CLSTN1: variants seen among roughly 807,000 people sequenced by gnomAD.
CLSTN1 encodes the protein calsyntenin 1, also known as calsyntenin-1.
A neutral mutation model predicts 108.3 loss-of-function variants in CLSTN1; 28 were observed. The ratio of observed to expected loss-of-function variants is 0.26; its 90% confidence interval spans 0.19 to 0.35. The LOEUF (loss-of-function observed/expected upper bound fraction) is 0.35. Ranked by LOEUF, CLSTN1 falls within the 10% of genes least tolerant of loss-of-function variation. CLSTN1 has a pLI of 1.00. For missense variants in CLSTN1, 1,157 were observed against 1,302.6 expected (o/e 0.89, Z 1.72); for synonymous variants, 524 against 534.9 (o/e 0.98, Z 0.28).
chr1:9,759,715 G>A (rs1040911773), intron 2 of CLSTN1, among the ~76,000 whole-genome samples: 9 of 152,198 alleles, frequency 5.9e-5, no homozygotes, highest in Non-Finnish European at 1.0e-4. Context: ...GATCCGAGGG[G>A]CCCCAAAGCT....
chr1:9,822,449 G>A (rs896049302), intron 1 of CLSTN1, among the ~76,000 whole-genome samples: 8 of 152,100 alleles, frequency 5.3e-5, no homozygotes, highest in Non-Finnish European at 1.2e-4. Flanking sequence ...CGCCAGGGAA[G>A]GGAAAATAAG....
intron 2 of CLSTN1, among the ~76,000 whole-genome samples, chr1:9,757,358 C>G (rs1024463228): frequency 1.3e-5 from 2 of 151,226 alleles, no homozygotes; most frequent in African/African-American, 4.9e-5. Flanking sequence ...TCTCCTACCT[C>G]AGCCTCCCGA....
chr1:9,745,776 T>TG (rs1651239152), intron 7 of CLSTN1, among the ~76,000 whole-genome samples: 1 of 145,862 alleles, frequency 6.9e-6, no homozygotes, highest in Admixed American at 6.8e-5. Context: ...TTTTTTTTTT[T>TG]TTTTTTTTTT....
intron 2 of CLSTN1, among the ~76,000 whole-genome samples, chr1:9,764,074 G>A (rs545901434): frequency 4.6e-5 from 7 of 151,816 alleles, no homozygotes; most frequent in African/African-American, 9.7e-5. Flanking sequence ...AAGGGGAATC[G>A]TGTGTAGAAA....
Position 9,757,104 on chromosome 1 carries a change from G to A in CLSTN1, c.215-594C>T, listed in dbSNP as rs189045746. The stretch of plus-strand genomic sequence containing the variant: ...GATTTTTCTTTTAATGAACACTCTA[G>A]TGACAAACCATGAATAAGTACATCT... On this transcript the variant is annotated intron_variant, in intron 2 of 18. Transcript: ENST00000377298. 1.1e-4 allele frequency among the ~76,000 whole-genome samples: 16 copies of A among 151,888 alleles called. No homozygotes were observed. The East Asian group carries it at 3.1e-3, about 29-fold the overall frequency.
At chr1:9,776,894 C>CTATCTATCTATCTATT (rs1652980855) in intron 1 of CLSTN1, among the ~76,000 whole-genome samples, 1 of 151,666 alleles carries the variant, frequency 6.6e-6, no homozygotes, top group Non-Finnish European at 1.5e-5. Flanking sequence ...ATCTATCTAT[C>CTATCTATCTATCTATT]TATCTATCTA....
intron 1 of CLSTN1, among the ~76,000 whole-genome samples, chr1:9,776,489 A>C (rs1261149480): frequency 6.6e-6 from 1 of 152,116 alleles, no homozygotes; most frequent in Non-Finnish European, 1.5e-5. Flanking sequence ...ACGCTTCAAA[A>C]TGGTAGACAG....
intron 9 of CLSTN1, among the ~76,000 whole-genome samples, chr1:9,742,217 G>GT (rs953323866): frequency 9.9e-5 from 15 of 151,506 alleles, no homozygotes; most frequent in East Asian, 1.9e-4. Flanking sequence ...TTACTGTTAG[G>GT]TTTTTTTTTA....
At chr1:9,738,677 TAG>T (rs1376735870) in intron 10 of CLSTN1, among the ~76,000 whole-genome samples, 3 of 152,218 alleles carry the variant, frequency 2.0e-5, no homozygotes, top group Admixed American at 6.5e-5. Flanking sequence ...TGTTTTGAGA[TAG>T]AGTCTCACTC....
chr1:9,762,375 C>T (rs552836451), intron 2 of CLSTN1, among the ~76,000 whole-genome samples: 56 of 152,012 alleles, frequency 3.7e-4, no homozygotes, highest in Non-Finnish European at 7.6e-4. Context: ...GCATGAGAAT[C>T]GCTTGAACCC....
Position 9,795,665 on chromosome 1 carries a change from G to C in CLSTN1, c.92-22271C>G, listed in dbSNP as rs530532998. On this transcript the variant is annotated intron_variant, in intron 1 of 18. Coordinates refer to ENST00000377298, the MANE Select transcript of CLSTN1 (RefSeq NM_001009566.3). Reference sequence around the variant, plus strand: ...CCTTAAGTTATTTTAAGGAAATAAAGGACACTGGCTGGGTGCGGTGGCTCA... The same window carrying C: ...CCTTAAGTTATTTTAAGGAAATAAACGACACTGGCTGGGTGCGGTGGCTCA... Among the ~76,000 whole-genome samples the C allele has an allele frequency of 2.0e-5, 3 of 151,504 alleles. No homozygotes were observed. In the East Asian group the frequency reaches 5.9e-4, roughly 30 times the overall value.
chr1:9,809,727 C>T (rs575809321), intron 1 of CLSTN1, among the ~76,000 whole-genome samples: 24 of 151,838 alleles, frequency 1.6e-4, no homozygotes, highest in African/African-American at 5.1e-4. Context: ...ATGGTAAAAC[C>T]CCATCTCTAC....
chr1:9,743,772 G>C (rs1027913911), intron 9 of CLSTN1, 112 bp downstream of exon 9: 1 of 1,173,960 alleles, frequency 8.5e-7, no homozygotes. Context: ...TGCCCAGGCT[G>C]GTCTCGAACC....
In CLSTN1 at chr1:9,744,501, G is replaced by A. The variant is rs371275390; in HGVS notation, c.1128C>T (p.Gly376=). ...GCTCTTTGGGGCTGACCGACACGAC[G>A]CCATCCGGGATCCTCACTGCCTGGG... is the stretch of plus-strand genomic sequence containing the variant. ...NGTQAVRIPD[G]VVSVSPKEPF... is the part of the protein sequence containing the mutation. The change falls in exon 8 of 19, where the codon GGC becomes GGT. Residue 376 remains glycine, a synonymous_variant. Coordinates refer to ENST00000377298, the MANE Select transcript of CLSTN1 (RefSeq NM_001009566.3). 206 of 1,612,336 alleles carry A rather than the reference G, an allele frequency of 1.3e-4. No individual in the cohort carries two copies. Among genetic ancestry groups the A allele is most frequent in the Non-Finnish European group, 1.4e-4 (171 of 1,179,954 alleles).
intron 9 of CLSTN1, 87 bp downstream of exon 9, chr1:9,743,797 A>G: frequency 1.3e-6 from 2 of 1,496,686 alleles, no homozygotes; most frequent in Non-Finnish European, 1.8e-6. Context: ...GGCTCAAGCA[A>G]TCCTCGTGCC....
At chr1:9,797,735 G>C (rs180790122) in intron 1 of CLSTN1, among the ~76,000 whole-genome samples, 46 of 152,268 alleles carry the variant, frequency 3.0e-4, no homozygotes, top group Middle Eastern at 3.4e-3. Flanking sequence ...GCTAGGAAAT[G>C]AAAGAAGCTG....
In CLSTN1 at chr1:9,735,853, T is replaced by C. The variant is rs747343941; in HGVS notation, c.1734+32A>G. On this transcript the variant is annotated intron_variant, in intron 12 of 18. Transcript: ENST00000377298. ...CCGGGGCTGTAGTCTAAGGGGCCCA[T>C]GAGTGGTGTGCAGTCGAGCGCTCGG... 9.3e-6 allele frequency: 15 copies of C among 1,612,354 alleles called. No individual in the cohort carries two copies. The East Asian group carries it at 2.9e-4, about 31-fold the overall frequency.
chr1:9,789,024 G>T (rs893067394), intron 1 of CLSTN1, among the ~76,000 whole-genome samples: 3 of 151,260 alleles, frequency 2.0e-5, no homozygotes, highest in Non-Finnish European at 4.4e-5. Context: ...CCTTTTCGAG[G>T]CTGGATGATG....
In CLSTN1 at chr1:9,751,464, G is replaced by A. The variant is rs762165757; in HGVS notation, c.649+9C>T. The A allele has an allele frequency of 3.7e-6, 6 of 1,613,624 alleles. No homozygotes were observed. Among genetic ancestry groups the A allele is most frequent in the African/African-American group, 2.7e-5 (2 of 74,890 alleles). ...TACCTAGCTGAAAAGCCGGCTCCTC[G>A]ATTCTTACCATCTTTGTCAACAGTA... On this transcript the variant is annotated intron_variant, in intron 5 of 18. Transcript: ENST00000377298.
Sources: gnomAD v4.1 joint callset for allele counts (sites outside exome capture counted in the v4.1 genomes callset) on GRCh38, gnomAD v4.1.1 for gene constraint, MANE v1.5 for transcripts, NCBI Gene and HGNC (gene_info 2026-07-23, HGNC 2026-07-21) for gene names.